Variants in ERC2 observed in about 807,000 individuals in gnomAD.
ERC2 encodes the protein ERC protein 2.
In ERC2, 42 loss-of-function variants were observed where a neutral mutation model predicts 114.8. That is an observed-to-expected ratio of 0.37 (90% CI 0.29 to 0.47). ERC2 has a LOEUF of 0.47. Among genes scored for constraint, ERC2 ranks in the 20% least tolerant of loss-of-function variants. The pLI, the probability that ERC2 is intolerant of heterozygous loss-of-function variation, is 0.99. For synonymous variants in ERC2, 454 were observed against 425.5 expected (o/e 1.07, Z -0.82); for missense variants, 939 against 1,150.7 (o/e 0.82, Z 2.66).
chr3:55,531,427 C>T (rs1487513500), intron 17 of ERC2, among the ~76,000 whole-genome samples: 2 of 152,170 alleles, frequency 1.3e-5, no homozygotes, highest in South Asian at 2.1e-4. Context: ...GCCACCCCTC[C>T]CTTGCCCCTG....
intron 17 of ERC2, among the ~76,000 whole-genome samples, chr3:55,578,371 C>G (rs1338800653): frequency 2.0e-5 from 3 of 152,216 alleles, no homozygotes; most frequent in Admixed American, 2.0e-4. Context: ...CTTCCACACA[C>G]TTCACTGTGC....
chr3:55,656,705 G>C (rs1025560024), intron 17 of ERC2, among the ~76,000 whole-genome samples: 2 of 152,200 alleles, frequency 1.3e-5, no homozygotes, highest in African/African-American at 4.8e-5. Context: ...TCTTCTTGTA[G>C]GAAGTCACAG....
intron 12 of ERC2, among the ~76,000 whole-genome samples, chr3:55,959,950 T>A (rs1423397551): frequency 2.6e-5 from 4 of 152,186 alleles, no homozygotes; most frequent in Non-Finnish European, 5.9e-5. Flanking sequence ...TGCTTCAGTA[T>A]GTTGTGGCTC....
intron 1 of ERC2, among the ~76,000 whole-genome samples, chr3:56,453,882 A>T (rs376263227): frequency 6.6e-6 from 1 of 152,158 alleles, no homozygotes; most frequent in Non-Finnish European, 1.5e-5. Flanking sequence ...GCGAGCATCA[A>T]TGGGCGTGGG....
chr3:56,434,334 G>A lies in ERC2; in HGVS notation c.657+17C>T. 6.2e-7 allele frequency: 1 copy of A among 1,607,092 alleles called. No homozygotes were observed. The highest frequency in any genetic ancestry group is 8.5e-7 in the Non-Finnish European group (1 of 1,176,216). On this transcript the variant is annotated intron_variant, in intron 2 of 17. Transcript: ENST00000288221. ...AGAAGCCAAGGCTGAAAAATACTGA[G>A]ATGAGTCATGACCTACCTGATTTTC...
Position 55,756,427 on chromosome 3 carries a change from G to A in ERC2, c.2565-21509C>T, listed in dbSNP as rs561482328. Among the ~76,000 whole-genome samples the A allele has an allele frequency of 1.3e-3, 200 of 152,276 alleles. 2 individuals are homozygous for A. Among genetic ancestry groups the A allele is most frequent in the Non-Finnish European group, 5.0e-4 (34 of 68,016 alleles). On this transcript the variant is annotated intron_variant, in intron 14 of 17. Transcript: ENST00000288221. ...TGGTCTCACTTTAAAAGGTGCAATG[G>A]AGCTTCCCATATGTGCCCCATGGGA...
In ERC2 at chr3:55,523,839, TG is replaced by T. The variant is rs936097770; in HGVS notation, c.*40-12564del. 2.0e-5 allele frequency among the ~76,000 whole-genome samples: 3 copies of T among 152,360 alleles called. No individual in the cohort carries two copies. In the South Asian group the frequency reaches 6.2e-4, roughly 32 times the overall value. Reference sequence around the variant, plus strand: ...TGCCAGGAATAGCCCCAAATGCTTCTGCAGCAGTGATTTTCAACCTCAGCAC... The same window carrying T: ...TGCCAGGAATAGCCCCAAATGCTTCTCAGCAGTGATTTTCAACCTCAGCAC... On this transcript the variant is annotated intron_variant, in intron 17 of 17. Coordinates refer to ENST00000288221, the MANE Select transcript of ERC2 (RefSeq NM_015576.3).
intron 2 of ERC2, among the ~76,000 whole-genome samples, chr3:56,381,620 A>G (rs935142457): frequency 6.6e-6 from 1 of 152,094 alleles, no homozygotes; most frequent in Admixed American, 6.6e-5. Flanking sequence ...TCAAAGATCA[A>G]CTTAAGGAGA....
rs532243559 is a variant in ERC2, at chr3:56,248,480, T to C, written c.1074+47539A>G. On this transcript the variant is annotated intron_variant, in intron 3 of 17. Coordinates refer to ENST00000288221, the MANE Select transcript of ERC2 (RefSeq NM_015576.3). ...ACGGTCTTCCTATTTATAATCAACA[T>C]TCAAGATCGAATTTTCCATTTGCTC... is the stretch of plus-strand genomic sequence containing the variant. Among the ~76,000 whole-genome samples the C allele has an allele frequency of 3.9e-5, 6 of 152,312 alleles. No homozygotes were observed. In the South Asian group the frequency reaches 8.3e-4, roughly 21 times the overall value.
chr3:55,805,623 G>T (rs149282682), intron 14 of ERC2, among the ~76,000 whole-genome samples: 80 of 151,698 alleles, frequency 5.3e-4, no homozygotes, highest in African/African-American at 1.8e-3. Context: ...TTTGTCACAG[G>T]TAGGGAGGGG....
intron 14 of ERC2, among the ~76,000 whole-genome samples, chr3:55,815,221 T>A (rs1291137306): frequency 6.6e-6 from 1 of 152,206 alleles, no homozygotes; most frequent in Non-Finnish European, 1.5e-5. Context: ...AGACATCTAC[T>A]CTTAGTGGGG....
At chr3:56,189,472 T>G (rs1005024200) in intron 3 of ERC2, among the ~76,000 whole-genome samples, 1 of 152,234 alleles carries the variant, frequency 6.6e-6, no homozygotes, top group African/African-American at 2.4e-5. Context: ...CTTCTGGGTC[T>G]ACTCAGGCCG....
At chr3:55,795,420 GAA>G (rs1202664081) in intron 14 of ERC2, among the ~76,000 whole-genome samples, 2 of 152,128 alleles carry the variant, frequency 1.3e-5, no homozygotes, top group Non-Finnish European at 2.9e-5. Flanking sequence ...ACCGTCATAA[GAA>G]CACTGGGATC....
At chr3:56,228,445 A>G (rs2050393257) in intron 3 of ERC2, among the ~76,000 whole-genome samples, 5 of 152,224 alleles carry the variant, frequency 3.3e-5, no homozygotes, top group African/African-American at 1.2e-4. Context: ...TACTTCATAT[A>G]AGCAGAATCA....
chr3:56,373,827 T>G (rs1452540105), intron 2 of ERC2, among the ~76,000 whole-genome samples: 1 of 152,254 alleles, frequency 6.6e-6, no homozygotes, highest in Non-Finnish European at 1.5e-5. Context: ...TTTATGGACA[T>G]GGACATGCGT....
chr3:55,668,355 C>T (rs1274976391), intron 17 of ERC2, among the ~76,000 whole-genome samples: 1 of 152,132 alleles, frequency 6.6e-6, no homozygotes, highest in East Asian at 1.9e-4. Context: ...GTTGTGTGAC[C>T]AAGATGTAAT....
chr3:56,168,301 T>C (rs188136905), intron 4 of ERC2, among the ~76,000 whole-genome samples: 46 of 152,140 alleles, frequency 3.0e-4, no homozygotes, highest in Non-Finnish European at 2.9e-4. Flanking sequence ...TTACTGGGGG[T>C]GCAGGTGACA....
chr3:55,935,651 C>A (rs914238290), intron 13 of ERC2, among the ~76,000 whole-genome samples: 7 of 152,196 alleles, frequency 4.6e-5, no homozygotes, highest in Non-Finnish European at 8.8e-5. Context: ...ATTTTGCCAC[C>A]TTTCTGAAAA....
chr3:55,783,876 C>T (rs1419076463), intron 14 of ERC2, among the ~76,000 whole-genome samples: 6 of 152,148 alleles, frequency 3.9e-5, no homozygotes, highest in East Asian at 1.9e-4. Context: ...GGTTAGCTGT[C>T]GAATATCTAA....
Sources: allele counts gnomAD v4.1 joint callset (sites outside exome capture counted in the v4.1 genomes callset), GRCh38; gene constraint gnomAD v4.1.1; transcripts MANE v1.5; gene names NCBI Gene and HGNC (gene_info 2026-07-23, HGNC 2026-07-21).